The following B3GAT2 variants were observed in gnomAD, a reference collection of about 807,000 sequenced individuals.
B3GAT2 encodes the protein galactosylgalactosylxylosylprotein 3-beta-glucuronosyltransferase 2.
A neutral mutation model predicts 27.8 loss-of-function variants in B3GAT2; 26 were observed. That is an observed-to-expected ratio of 0.93 (90% CI 0.68 to 1.30). B3GAT2 has a LOEUF of 1.30. B3GAT2 is among the 50% of genes most tolerant of loss of function. B3GAT2 has a pLI of 0.00. For synonymous variants in B3GAT2, 218 were observed against 195.1 expected (o/e 1.12, Z -0.98); for missense variants, 458 against 459.0 (o/e 1.00, Z 0.02).
chr6:70,921,154 A>T (rs912007810), intron 1 of B3GAT2, among the ~76,000 whole-genome samples: 1 of 152,040 alleles, frequency 6.6e-6, no homozygotes, highest in Non-Finnish European at 1.5e-5. Context: ...CATTTCCTGA[A>T]TTTGAATTTT....
At chr6:70,911,317 T>C (rs992156469) in intron 1 of B3GAT2, among the ~76,000 whole-genome samples, 3 of 152,100 alleles carry the variant, frequency 2.0e-5, no homozygotes, top group Admixed American at 1.3e-4. Flanking sequence ...ACATCTTGAG[T>C]TGATTTTATA....
chr6:70,893,847 C>T (rs1205913551), intron 2 of B3GAT2, among the ~76,000 whole-genome samples: 1 of 152,158 alleles, frequency 6.6e-6, no homozygotes, highest in African/African-American at 2.4e-5. Flanking sequence ...CCCCAGTGGC[C>T]AACCCAGTAG....
At position 70,858,169 on chromosome 6, in the gene B3GAT2, T is replaced by G. The variant is rs780212927; in HGVS notation, c.*3494A>C. On this transcript the variant is annotated 3_prime_UTR_variant, in exon 4 of 4. Coordinates refer to ENST00000230053, the MANE Select transcript of B3GAT2 (RefSeq NM_080742.3). Reference sequence around the variant, plus strand: ...AAGGAGGAATGGTGGGACAAATGGGTGCACCCCAGAGTAAGTTTGGCCTGC... The same window carrying G: ...AAGGAGGAATGGTGGGACAAATGGGGGCACCCCAGAGTAAGTTTGGCCTGC... 2 of 1,613,424 alleles carry G rather than the reference T, an allele frequency of 1.2e-6. No individual in the cohort carries two copies. Among genetic ancestry groups the G allele is most frequent in the Non-Finnish European group, 1.7e-6 (2 of 1,179,866 alleles).
intron 1 of B3GAT2, among the ~76,000 whole-genome samples, chr6:70,928,284 C>G (rs1772997463): frequency 6.6e-6 from 1 of 151,720 alleles, no homozygotes; most frequent in African/African-American, 2.4e-5. Context: ...ACTGGAGAAG[C>G]CAGAGCAAAC....
chr6:70,859,390 C>T lies in B3GAT2; in HGVS notation c.*2273G>A. ...ATCAGTGCAATCTACTGGCCAATGA[C>T]AAGGTGGTTAAAATGTCCTTTAGTA... is the stretch of plus-strand genomic sequence containing the variant. On this transcript the variant is annotated 3_prime_UTR_variant, in exon 4 of 4. Coordinates refer to ENST00000230053, the MANE Select transcript of B3GAT2 (RefSeq NM_080742.3). The T allele has an allele frequency of 6.5e-7, 1 of 1,548,962 alleles. No homozygotes were observed. Among genetic ancestry groups the T allele is most frequent in the Non-Finnish European group, 8.7e-7 (1 of 1,146,198 alleles).
chr6:70,860,898 T>C lies in B3GAT2; in HGVS notation c.*765A>G, dbSNP rs966482864. 2.3e-5 allele frequency: 9 copies of C among 389,826 alleles called. No homozygotes were observed. The East Asian group carries it at 3.3e-4, about 14-fold the overall frequency. 24.1% of individuals were successfully genotyped at this position (389,826 alleles called of 1,614,324 possible). On this transcript the variant is annotated 3_prime_UTR_variant, in exon 4 of 4. Coordinates refer to ENST00000230053, the MANE Select transcript of B3GAT2 (RefSeq NM_080742.3). ...AGTGAAAGGAAGATAAACGTGGATG[T>C]TACTCCAAAACTTCGTTTAATGAAT... is the stretch of plus-strand genomic sequence containing the variant.
At chr6:70,933,811 A>G (rs1773098213) in intron 1 of B3GAT2, among the ~76,000 whole-genome samples, 1 of 152,162 alleles carries the variant, frequency 6.6e-6, no homozygotes, top group Admixed American at 6.5e-5. Context: ...TGTCTTCTGG[A>G]GCCTTCCACA....
In B3GAT2 at chr6:70,956,954, G is replaced by T. The variant is rs539978707; in HGVS notation, c.-525C>A. The T allele has an allele frequency of 1.7e-4, 173 of 1,011,272 alleles. 1 individual carries two copies. The African/African-American group carries it at 2.7e-3, about 16-fold the overall frequency. 62.6% of individuals were successfully genotyped at this position (1,011,272 alleles called of 1,614,324 possible). ...ATTCCCGCCGGGGTGGCGAGGAGCGGGTGGAGACGCTGGGGGTTGTGTCCC... is the reference window on the plus strand; with the variant it reads ...ATTCCCGCCGGGGTGGCGAGGAGCGTGTGGAGACGCTGGGGGTTGTGTCCC... On this transcript the variant is annotated 5_prime_UTR_variant, in exon 1 of 4. Coordinates refer to ENST00000230053, the MANE Select transcript of B3GAT2 (RefSeq NM_080742.3).
rs115044496 is a variant in B3GAT2 at position 70,954,366 on chromosome 6, C to A, written c.591+1473G>T. Among the ~76,000 whole-genome samples, 371 of 152,206 alleles carry A rather than the reference C, an allele frequency of 2.4e-3. 1 individual carries two copies. The highest frequency in any genetic ancestry group is 8.0e-3 in the African/African-American group (331 of 41,518). The stretch of plus-strand genomic sequence containing the variant: ...TTTGGAGAAACGTGGAAAGAAAGCC[C>A]TCTACAGTGAAAGGATGGAAAAGAA... On this transcript the variant is annotated intron_variant, in intron 1 of 3. Coordinates refer to ENST00000230053, the MANE Select transcript of B3GAT2 (RefSeq NM_080742.3).
At chr6:70,929,106 A>G (rs1773016195) in intron 1 of B3GAT2, among the ~76,000 whole-genome samples, 1 of 152,118 alleles carries the variant, frequency 6.6e-6, no homozygotes, top group East Asian at 1.9e-4. Flanking sequence ...AAACTATCGC[A>G]AGGACAAAAA....
chr6:70,892,422 C>G (rs1457057026), intron 2 of B3GAT2, among the ~76,000 whole-genome samples: 1 of 152,196 alleles, frequency 6.6e-6, no homozygotes, highest in Admixed American at 6.5e-5. Flanking sequence ...CCAAGTTGCC[C>G]TCACCTTGCA....
rs774245031 is a variant in B3GAT2, at chr6:70,858,193, G to A, written c.*3470C>T. On this transcript the variant is annotated 3_prime_UTR_variant, in exon 4 of 4. Coordinates refer to ENST00000230053, the MANE Select transcript of B3GAT2 (RefSeq NM_080742.3). Reference sequence around the variant, plus strand: ...GTGCACCCCAGAGTAAGTTTGGCCTGCCGCAAGCTCAGCAGCCCCAGTGGA... The same window carrying A: ...GTGCACCCCAGAGTAAGTTTGGCCTACCGCAAGCTCAGCAGCCCCAGTGGA... The A allele has an allele frequency of 1.9e-6, 3 of 1,613,264 alleles. No individual in the cohort carries two copies. The highest frequency in any genetic ancestry group is 1.7e-5 in the Admixed American group (1 of 59,940).
intron 2 of B3GAT2, among the ~76,000 whole-genome samples, chr6:70,893,248 G>A (rs1772321253): frequency 6.6e-6 from 1 of 152,118 alleles, no homozygotes; most frequent in South Asian, 2.1e-4. Context: ...TCAGAATTCT[G>A]AACGCGGAGA....
chr6:70,924,802 A>G (rs1042007150), intron 1 of B3GAT2, among the ~76,000 whole-genome samples: 2 of 152,222 alleles, frequency 1.3e-5, no homozygotes, highest in African/African-American at 4.8e-5. Context: ...CTTTCGTAAA[A>G]CTAATGAAAG....
chr6:70,887,779 G>C (rs1772213235), intron 2 of B3GAT2, among the ~76,000 whole-genome samples: 1 of 152,218 alleles, frequency 6.6e-6, no homozygotes, highest in Non-Finnish European at 1.5e-5. Context: ...CCTTTAAGCT[G>C]AGATTTGAAG....
At chr6:70,908,458 A>G (rs1772635711) in intron 1 of B3GAT2, among the ~76,000 whole-genome samples, 1 of 152,228 alleles carries the variant, frequency 6.6e-6, no homozygotes, top group Non-Finnish European at 1.5e-5. Context: ...TCTAATTTCC[A>G]AAATAAGTAC....
intron 1 of B3GAT2, among the ~76,000 whole-genome samples, chr6:70,928,664 T>C (rs1032206593): frequency 6.6e-6 from 1 of 152,084 alleles, no homozygotes; most frequent in Non-Finnish European, 1.5e-5. Context: ...AATAGACCAA[T>C]AACAGGCTCT....
intron 1 of B3GAT2, among the ~76,000 whole-genome samples, chr6:70,935,577 T>A (rs1365406326): frequency 1.3e-5 from 2 of 152,210 alleles, no homozygotes; most frequent in Non-Finnish European, 2.9e-5. Context: ...ACTGGATATA[T>A]TTAAATTTCA....
intron 1 of B3GAT2, among the ~76,000 whole-genome samples, chr6:70,928,351 C>T (rs754942082): frequency 2.8e-4 from 42 of 150,092 alleles, no homozygotes; most frequent in Middle Eastern, 7.1e-3. Flanking sequence ...GAACTGAAGG[C>T]GACAGAGACA....
Sources: allele counts gnomAD v4.1 joint callset (sites outside exome capture counted in the v4.1 genomes callset), GRCh38; gene constraint gnomAD v4.1.1; transcripts MANE v1.5; gene names NCBI Gene and HGNC (gene_info 2026-07-23, HGNC 2026-07-21).